Variants in CDH13 observed in about 807,000 individuals in gnomAD.
The protein encoded by CDH13 is cadherin-13.
A neutral mutation model predicts 63.8 loss-of-function variants in CDH13; 24 were observed. That is an observed-to-expected ratio of 0.38 (90% confidence interval 0.27 to 0.53). The LOEUF (loss-of-function observed/expected upper bound fraction) is 0.53, where lower values mean the gene tolerates loss of function less well. Among genes scored for constraint, CDH13 ranks in the 20% least tolerant of loss-of-function variants. The probability of loss-of-function intolerance (pLI) is 0.85; values close to 1 mark genes in which losing one functional copy is unlikely to be tolerated. For synonymous variants in CDH13, 503 were observed against 355.3 expected (o/e 1.42, Z -4.67); for missense variants, 1,049 against 903.1 (o/e 1.16, Z -2.07).
At chr16:82,968,509 G>A (rs1393357713) in intron 2 of CDH13, among the ~76,000 whole-genome samples, 1 of 152,146 alleles carries the variant, frequency 6.6e-6, no homozygotes, top group Non-Finnish European at 1.5e-5. Context: ...GGAGACATAA[G>A]GGAGGTAAAC....
At position 83,145,937 on chromosome 16, in the gene CDH13, G is replaced by A. The variant is rs143433936; in HGVS notation, c.483+20436G>A. Among the ~76,000 whole-genome samples, 60 of 152,148 alleles carry A rather than the reference G, an allele frequency of 3.9e-4. No homozygotes were observed. The East Asian group carries it at 8.7e-3, about 22-fold the overall frequency. On this transcript the variant is annotated intron_variant, in intron 4 of 13. Coordinates refer to ENST00000567109, the MANE Select transcript of CDH13 (RefSeq NM_001257.5). ...TAACTAATGAAAGGATGTTCCAGCC[G>A]GATGCTGGAACTTTGGGAGGCCGAG...
chr16:83,117,148 C>G (rs542824011), intron 3 of CDH13, among the ~76,000 whole-genome samples: 1 of 152,368 alleles, frequency 6.6e-6, no homozygotes, highest in South Asian at 2.1e-4. Flanking sequence ...TGCAACTGGA[C>G]TCCTCAGCTC....
intron 6 of CDH13, among the ~76,000 whole-genome samples, chr16:83,374,796 G>C (rs572094334): frequency 6.6e-6 from 1 of 152,166 alleles, no homozygotes; most frequent in Non-Finnish European, 1.5e-5. Context: ...CTAGTCTCCT[G>C]TTCTCACACA....
chr16:83,369,350 G>T (rs1302976715), intron 6 of CDH13, among the ~76,000 whole-genome samples: 1 of 151,906 alleles, frequency 6.6e-6, no homozygotes, highest in Non-Finnish European at 1.5e-5. Flanking sequence ...CATTCTTGAT[G>T]CTAAAATATA....
At chr16:83,133,581 C>T (rs150435448) in intron 4 of CDH13, among the ~76,000 whole-genome samples, 1 of 152,164 alleles carries the variant, frequency 6.6e-6, no homozygotes, top group African/African-American at 2.4e-5. Flanking sequence ...TCACTGCAAC[C>T]TCTGCCTCCG....
At chr16:83,645,358 A>G (rs1911690150) in intron 8 of CDH13, among the ~76,000 whole-genome samples, 1 of 152,204 alleles carries the variant, frequency 6.6e-6, no homozygotes, top group Non-Finnish European at 1.5e-5. Context: ...GTACACATGA[A>G]CATAAACGTG....
chr16:83,344,146 A>C (rs1024071115), intron 5 of CDH13, among the ~76,000 whole-genome samples: 26 of 152,242 alleles, frequency 1.7e-4, no homozygotes, highest in Non-Finnish European at 3.5e-4. Context: ...AGGTTGAATT[A>C]CGCACAGAAA....
chr16:82,883,679 G>C (rs1265310326), intron 2 of CDH13, among the ~76,000 whole-genome samples: 1 of 152,132 alleles, frequency 6.6e-6, no homozygotes, highest in Non-Finnish European at 1.5e-5. Flanking sequence ...CTTGCTCACA[G>C]AGCTGCTGTG....
chr16:83,646,712 AACAC>A (rs71382879), intron 8 of CDH13, among the ~76,000 whole-genome samples: 6 of 80,524 alleles, frequency 7.5e-5, no homozygotes, highest in South Asian at 4.5e-4. Flanking sequence ...AAAAAAAAAA[AACAC>A]ACACACACAC....
intron 5 of CDH13, among the ~76,000 whole-genome samples, chr16:83,255,084 C>T (rs1191854275): frequency 2.0e-5 from 3 of 151,572 alleles, no homozygotes; most frequent in Admixed American, 6.6e-5. Context: ...ACAGATGGCT[C>T]GTGAAGCAGC....
Position 83,780,086 on chromosome 16 carries a change from T to A in CDH13, c.1800T>A (p.Ser600Arg). 1 of 1,613,832 alleles carries A rather than the reference T, an allele frequency of 6.2e-7. No homozygotes were observed. The highest frequency in any genetic ancestry group is 1.6e-4 in the Middle Eastern group (1 of 6,062). Residue 600 changes from serine (S) to arginine (R), a missense_variant, in exon 12 of 14, where the codon AGT (serine) becomes AGA (arginine). Physicochemically the swap from Ser to Arg is moderately radical, Grantham distance 110. Coordinates refer to ENST00000567109, the MANE Select transcript of CDH13 (RefSeq NM_001257.5). ...AEVCDDAKNL[S>R]VVILGASDKD... is the part of the protein sequence containing the mutation. ...TCTGTGATGATGCCAAAAACCTCAG[T>A]GTAGTCATTTTGGGAGCATCAGATA... is the stretch of plus-strand genomic sequence containing the variant.
At chr16:83,509,885 A>T (rs544022234) in intron 7 of CDH13, among the ~76,000 whole-genome samples, 1 of 152,310 alleles carries the variant, frequency 6.6e-6, no homozygotes, top group South Asian at 2.1e-4. Flanking sequence ...AAGCTCAGAG[A>T]GGGTAGATGA....
intron 7 of CDH13, among the ~76,000 whole-genome samples, chr16:83,495,368 A>G (rs1286102666): frequency 6.6e-6 from 1 of 152,198 alleles, no homozygotes; most frequent in African/African-American, 2.4e-5. Flanking sequence ...CCTGGAATCA[A>G]TAGAAAGGAA....
chr16:82,975,294 C>G (rs1468168847), intron 2 of CDH13, among the ~76,000 whole-genome samples: 1 of 152,150 alleles, frequency 6.6e-6, no homozygotes, highest in Non-Finnish European at 1.5e-5. Flanking sequence ...TAAGTGGAGA[C>G]AAAACCCGTG....
At chr16:83,497,447 TG>T (rs1382170845) in intron 7 of CDH13, among the ~76,000 whole-genome samples, 2 of 138,132 alleles carry the variant, frequency 1.4e-5, no homozygotes, top group Non-Finnish European at 3.0e-5. Flanking sequence ...CACTCATAGG[TG>T]GGAACTGAAC....
chr16:83,259,869 A>G (rs1014028018), intron 5 of CDH13, among the ~76,000 whole-genome samples: 29 of 152,030 alleles, frequency 1.9e-4, no homozygotes, highest in African/African-American at 6.0e-4. Context: ...GAAAGAAGCA[A>G]ACTTCTTTGG....
At chr16:83,241,114 T>G (rs924220688) in intron 5 of CDH13, among the ~76,000 whole-genome samples, 3 of 152,198 alleles carry the variant, frequency 2.0e-5, no homozygotes, top group Non-Finnish European at 4.4e-5. Context: ...TATTTCACTT[T>G]GCATAATGCA....
At chr16:83,763,986 C>T (rs556363350) in intron 11 of CDH13, among the ~76,000 whole-genome samples, 2 of 152,306 alleles carry the variant, frequency 1.3e-5, no homozygotes, top group East Asian at 3.9e-4. Context: ...CTTACACTCT[C>T]TCAGCCTCAA....
chr16:83,157,602 G>A (rs899985447), intron 4 of CDH13, among the ~76,000 whole-genome samples: 1 of 152,114 alleles, frequency 6.6e-6, no homozygotes, highest in East Asian at 1.9e-4. Context: ...AAGCAGTAAA[G>A]AAATATGTCC....
Sources: allele counts gnomAD v4.1 joint callset (sites outside exome capture counted in the v4.1 genomes callset), GRCh38; gene constraint gnomAD v4.1.1; transcripts MANE v1.5; gene names NCBI Gene and HGNC (gene_info 2026-07-23, HGNC 2026-07-21).